Variants in SPNS3 observed in about 807,000 individuals in gnomAD.
The protein encoded by SPNS3 is protein spinster homolog 3.
In SPNS3, 51 loss-of-function variants were observed where a neutral mutation model predicts 54.4. The observed-to-expected ratio is 0.94, with a 90% CI of 0.75 to 1.18. The LOEUF is 1.18. Among genes scored for constraint, SPNS3 ranks in the 50% most tolerant of loss-of-function variants. SPNS3 has a pLI of 0.00. For missense variants in SPNS3, 669 were observed against 677.4 expected (o/e 0.99, Z 0.14); for synonymous variants, 309 against 294.7 (o/e 1.05, Z -0.50).
At chr17:4,467,987 A>G (rs1971729558) in intron 8 of SPNS3, among the ~76,000 whole-genome samples, 1 of 152,158 alleles carries the variant, frequency 6.6e-6, no homozygotes, top group Non-Finnish European at 1.5e-5. Flanking sequence ...ACCTGATTTT[A>G]TTGGCCAAAG....
chr17:4,468,388 G>A (rs889297496), intron 8 of SPNS3, among the ~76,000 whole-genome samples: 1 of 152,218 alleles, frequency 6.6e-6, no homozygotes, highest in Non-Finnish European at 1.5e-5. Flanking sequence ...GTGATGGCTT[G>A]GACCAGGGTA....
At chr17:4,452,855 G>C (rs1567560231) in intron 7 of SPNS3, among the ~76,000 whole-genome samples, 161 bp from the exon 8 acceptor site, 1 of 151,918 alleles carries the variant, frequency 6.6e-6, no homozygotes, top group Non-Finnish European at 1.5e-5. Flanking sequence ...GAGGAGGGTG[G>C]GTAAGGTTCT....
chr17:4,444,885 C>A (rs1970941234), intron 2 of SPNS3, 147 bp from the exon 3 acceptor site: 3 of 975,570 alleles, frequency 3.1e-6, no homozygotes, highest in Non-Finnish European at 3.1e-6. Flanking sequence ...GTGAGGTTCA[C>A]CTTATCTTTT....
At chr17:4,480,185 G>T (rs999924025) in intron 9 of SPNS3, among the ~76,000 whole-genome samples, 4 of 152,150 alleles carry the variant, frequency 2.6e-5, no homozygotes, top group African/African-American at 4.8e-5. Context: ...GCTCCTGGGT[G>T]AGTGGATCAG....
At chr17:4,451,843 ATT>A (rs796190961) in intron 7 of SPNS3, among the ~76,000 whole-genome samples, 5 of 140,008 alleles carry the variant, frequency 3.6e-5, no homozygotes, top group East Asian at 2.2e-4. Flanking sequence ...TAATTTTTGT[ATT>A]TTTTTTTTTT....
intron 2 of SPNS3, among the ~76,000 whole-genome samples, chr17:4,440,447 C>G (rs1686515320): frequency 6.6e-6 from 1 of 152,164 alleles, no homozygotes; most frequent in Non-Finnish European, 1.5e-5. Flanking sequence ...GGCTCTTAAA[C>G]CGGGGTACAG....
Position 4,439,691 on chromosome 17 carries a change from T to A in SPNS3, c.233T>A (p.Ile78Asn), listed in dbSNP as rs1480982801. The A allele has an allele frequency of 6.2e-7, 1 of 1,613,526 alleles. No homozygotes were observed. Among genetic ancestry groups the A allele is most frequent in the South Asian group, 1.1e-5 (1 of 90,836 alleles). Residue 78 changes from isoleucine (I) to asparagine (N), a missense_variant, in exon 2 of 12, where the codon ATC (isoleucine) becomes AAC (asparagine). By Grantham distance (149) the Ile-to-Asn change is moderately radical (BLOSUM62 -3). Coordinates refer to ENST00000355530, the MANE Select transcript of SPNS3 (RefSeq NM_182538.5). ...VLLDIQEVFQ[I>N]SDNHAGLLQT... ...CTGGATATACAGGAGGTTTTCCAGA[T>A]CAGTGACAACCATGCTGGTTTGCTT...
chr17:4,450,804 CACCATGTTGGGCAGGCTG>C (rs1256949382), intron 7 of SPNS3, among the ~76,000 whole-genome samples: 3 of 133,132 alleles, frequency 2.3e-5, no homozygotes, highest in South Asian at 4.8e-4. Context: ...GATGGGGTTT[CACCATGTTGGGCAGGCTG>C]GTCTCGGACT....
At chr17:4,458,421 T>C (rs1475223052) in intron 8 of SPNS3, among the ~76,000 whole-genome samples, 1 of 141,868 alleles carries the variant, frequency 7.0e-6, no homozygotes, top group African/African-American at 2.5e-5. Flanking sequence ...TTCTTTTTCT[T>C]CTTTCTTTCC....
intron 8 of SPNS3, among the ~76,000 whole-genome samples, chr17:4,456,777 C>T (rs367830330): frequency 2.2e-4 from 33 of 151,914 alleles, no homozygotes; most frequent in Admixed American, 1.9e-3. Context: ...TGCAGTGGAG[C>T]GATCTCAGCT....
At chr17:4,447,076 G>A (rs1432805285) in intron 5 of SPNS3, 114 bp downstream of exon 5, 5 of 987,164 alleles carry the variant, frequency 5.1e-6, no homozygotes, top group African/African-American at 3.5e-5. Flanking sequence ...AGGGGGACGG[G>A]GGGTGGTGGT....
At chr17:4,485,917 A>G (rs2144251247) in intron 9 of SPNS3, among the ~76,000 whole-genome samples, 1 of 152,270 alleles carries the variant, frequency 6.6e-6, no homozygotes, top group African/African-American at 2.4e-5. Flanking sequence ...CTGAGCTGGG[A>G]CACCCCAGCC....
intron 8 of SPNS3, among the ~76,000 whole-genome samples, chr17:4,458,308 CTTTCTTTTCT>C (rs372354268): frequency 6.6e-5 from 10 of 152,016 alleles, no homozygotes; most frequent in African/African-American, 2.2e-4. Flanking sequence ...CTTGCTTTTT[CTTTCTTTTCT>C]TTTCTTTTCT....
intron 8 of SPNS3, among the ~76,000 whole-genome samples, chr17:4,460,141 T>G (rs1294244338): frequency 6.6e-6 from 1 of 152,096 alleles, no homozygotes; most frequent in Non-Finnish European, 1.5e-5. Flanking sequence ...AGGCGGCTAC[T>G]GTGATTAGTG....
intron 8 of SPNS3, among the ~76,000 whole-genome samples, chr17:4,459,360 T>G (rs534940854): frequency 2.0e-5 from 3 of 152,300 alleles, no homozygotes; most frequent in African/African-American, 7.2e-5. Context: ...TGTATTCATT[T>G]GTTTATTCAA....
At chr17:4,439,888 A>C (rs1372884109) in intron 2 of SPNS3, among the ~76,000 whole-genome samples, 165 bp downstream of exon 2, 31 of 152,014 alleles carry the variant, frequency 2.0e-4, no homozygotes. Flanking sequence ...AGCAGGAGAG[A>C]GCCTGGGCTG....
At chr17:4,458,641 CTTT>C (rs1567564078) in intron 8 of SPNS3, among the ~76,000 whole-genome samples, 52 of 123,790 alleles carry the variant, frequency 4.2e-4, no homozygotes, top group South Asian at 1.3e-3. Flanking sequence ...TTCTTTCTTT[CTTT>C]CTTTCCTTCC....
chr17:4,471,474 TA>T (rs1331801444), intron 8 of SPNS3, among the ~76,000 whole-genome samples: 1 of 152,174 alleles, frequency 6.6e-6, no homozygotes, highest in African/African-American at 2.4e-5. Flanking sequence ...GATATTTATT[TA>T]TTTATTTTGA....
chr17:4,436,029 G>C (rs1280851576), intron 1 of SPNS3, among the ~76,000 whole-genome samples: 1 of 151,926 alleles, frequency 6.6e-6, no homozygotes, highest in Admixed American at 6.6e-5. Context: ...CACTAACTGT[G>C]GGCAGGACCC....
Sources: allele counts gnomAD v4.1 joint callset (sites outside exome capture counted in the v4.1 genomes callset), GRCh38; gene constraint gnomAD v4.1.1; transcripts MANE v1.5; gene names NCBI Gene and HGNC (gene_info 2026-07-23, HGNC 2026-07-21).